Variants in IPCEF1 observed in about 807,000 individuals in gnomAD.
The protein encoded by IPCEF1 is interactor protein for cytohesin exchange factors 1.
A neutral mutation model predicts 50.9 loss-of-function variants in IPCEF1; 31 were observed. The ratio of observed to expected loss-of-function variants is 0.61; its 90% CI spans 0.46 to 0.82. The LOEUF (loss-of-function observed/expected upper bound fraction) is 0.82. Ranked by LOEUF, IPCEF1 falls within the 40% of genes least tolerant of loss-of-function variation. The pLI is 0.00. For synonymous variants in IPCEF1, 181 were observed against 192.0 expected, an observed-to-expected ratio of 0.94 and a Z score of 0.47; for missense variants, 458 against 514.0, an observed-to-expected ratio of 0.89 and a Z score of 1.05.
At chr6:154,257,363 G>A (rs1002021039) in intron 3 of IPCEF1, among the ~76,000 whole-genome samples, 2 of 152,168 alleles carry the variant, frequency 1.3e-5, no homozygotes, top group African/African-American at 4.8e-5. Context: ...TGCAGGCAGA[G>A]GCAAACTACT....
At chr6:154,331,397 AAGAAAGAAAG>A (rs1300315024) in intron 1 of IPCEF1, among the ~76,000 whole-genome samples, 1 of 138,236 alleles carries the variant, frequency 7.2e-6, no homozygotes, top group Non-Finnish European at 1.6e-5. Context: ...GAAAGAAAGA[AAGAAAGAAAG>A]AGAGAGAAAA....
chr6:154,186,470 A>G (rs1240360320), intron 10 of IPCEF1, among the ~76,000 whole-genome samples: 1 of 152,222 alleles, frequency 6.6e-6, no homozygotes, highest in African/African-American at 2.4e-5. Flanking sequence ...ACCTGAACAC[A>G]GGCAGCAGCC....
intron 10 of IPCEF1, among the ~76,000 whole-genome samples, chr6:154,186,702 G>A (rs1429673336): frequency 5.3e-5 from 8 of 151,932 alleles, no homozygotes; most frequent in African/African-American, 1.9e-4. Flanking sequence ...GACTACAGGC[G>A]CCCGCCATCA....
intron 6 of IPCEF1, chr6:154,222,878 TC>T: frequency 5.0e-6 from 2 of 399,654 alleles, no homozygotes; most frequent in Non-Finnish European, 9.3e-6. Context: ...ACATCTGACC[TC>T]CCTGCCAGTC....
chr6:154,162,985 G>A (rs926299464), intron 11 of IPCEF1, among the ~76,000 whole-genome samples: 3 of 152,110 alleles, frequency 2.0e-5, no homozygotes, highest in East Asian at 1.9e-4. Context: ...TGGTAACTCC[G>A]TCTTTCCAGT....
chr6:154,323,107 T>G (rs1783431443), intron 1 of IPCEF1, among the ~76,000 whole-genome samples: 1 of 152,204 alleles, frequency 6.6e-6, no homozygotes, highest in Non-Finnish European at 1.5e-5. Context: ...CCCTTGGTTC[T>G]GAACCATTGC....
intron 3 of IPCEF1, among the ~76,000 whole-genome samples, chr6:154,262,453 A>C (rs970349372): frequency 1.3e-5 from 2 of 152,186 alleles, no homozygotes; most frequent in African/African-American, 4.8e-5. Flanking sequence ...TCCAGTTCCT[A>C]CCCTACCTGG....
At chr6:154,354,617 C>T (rs79018419) in intron 1 of IPCEF1, among the ~76,000 whole-genome samples, 4,504 of 151,460 alleles carry the variant, frequency 0.03, 226 homozygotes, top group African/African-American at 0.1. Flanking sequence ...ACCTCCCCTA[C>T]GACCACCACT....
intron 5 of IPCEF1, among the ~76,000 whole-genome samples, chr6:154,244,180 C>T (rs1780828623): frequency 6.6e-6 from 1 of 152,090 alleles, no homozygotes; most frequent in Non-Finnish European, 1.5e-5. Flanking sequence ...ATGCTTGGGT[C>T]TTATTTCACA....
intron 10 of IPCEF1, among the ~76,000 whole-genome samples, chr6:154,180,414 A>ATATATATATATATTTTTT (rs1241250621): frequency 1.5e-5 from 1 of 65,268 alleles, no homozygotes. Flanking sequence ...ATATATATAT[A>ATATATATATATATTTTTT]TTTTTTTTTT....
intron 1 of IPCEF1, among the ~76,000 whole-genome samples, chr6:154,347,956 T>C (rs1784063589): frequency 6.6e-6 from 1 of 152,116 alleles, no homozygotes; most frequent in African/African-American, 2.4e-5. Flanking sequence ...ACACCCCATG[T>C]CTAGGACCCT....
chr6:154,355,544 A>G (rs1784202493), intron 1 of IPCEF1, among the ~76,000 whole-genome samples: 1 of 149,948 alleles, frequency 6.7e-6, no homozygotes, highest in Admixed American at 6.7e-5. Flanking sequence ...GCTGAAGTGC[A>G]GTGGCGCAAT....
At chr6:154,160,074 G>A (rs775364052) in intron 11 of IPCEF1, 34 bp from the exon 12 acceptor site, 2 of 1,487,350 alleles carry the variant, frequency 1.3e-6, no homozygotes, top group South Asian at 2.3e-5. Context: ...AAGGGGGTAT[G>A]TTGAGAGTGT....
intron 10 of IPCEF1, among the ~76,000 whole-genome samples, chr6:154,190,009 T>C (rs779736197): frequency 3.3e-5 from 5 of 152,046 alleles, no homozygotes; most frequent in Non-Finnish European, 7.3e-5. Flanking sequence ...CAATTATAGG[T>C]AAGAAATTAA....
At position 154,215,452 on chromosome 6, in the gene IPCEF1, C is replaced by T. The variant is rs376035904; in HGVS notation, c.393-1176G>A. On this transcript the variant is annotated intron_variant, in intron 7 of 11. Coordinates refer to ENST00000367220, the MANE Select transcript of IPCEF1 (RefSeq NM_001130700.2). ...AACCCCGTCACTACTTAAAAAAATA[C>T]AAAATTAGCCGGGTGTGGTGGCGGA... Among the ~76,000 whole-genome samples, 55 of 151,952 alleles carry T rather than the reference C, an allele frequency of 3.6e-4. No individual in the cohort carries two copies. The South Asian group carries it at 0.011, about 31-fold the overall frequency.
At chr6:154,256,047 T>A (rs1193682574) in intron 3 of IPCEF1, among the ~76,000 whole-genome samples, 1 of 152,224 alleles carries the variant, frequency 6.6e-6, no homozygotes, top group Admixed American at 6.5e-5. Flanking sequence ...TGTAAATGTG[T>A]TCTGGGATTT....
rs1211137547 is a variant in IPCEF1 at position 154,155,366 on chromosome 6, G to T, written c.*4462C>A. On this transcript the variant is annotated 3_prime_UTR_variant, in exon 12 of 12. Coordinates refer to ENST00000367220, the MANE Select transcript of IPCEF1 (RefSeq NM_001130700.2). ...GAGGTATACAAAAGAAATTGGAAGA[G>T]AAATAAATTGGAAAACCACAATTGG... 1.3e-5 allele frequency: 2 copies of T among 152,220 alleles called. No individual in the cohort carries two copies. The highest frequency in any genetic ancestry group is 6.5e-5 in the Admixed American group (1 of 15,278). The allele number at this position is 152,220 out of a possible 1,614,324, so 9.4% of individuals were successfully genotyped here.
intron 10 of IPCEF1, among the ~76,000 whole-genome samples, chr6:154,191,447 G>A (rs985306849): frequency 5.9e-5 from 9 of 152,132 alleles, no homozygotes; most frequent in Non-Finnish European, 1.2e-4. Flanking sequence ...GCCGAGGCAG[G>A]TGGATCACCT....
chr6:154,340,923 A>ATG (rs35576410), intron 1 of IPCEF1, among the ~76,000 whole-genome samples: 20 of 146,358 alleles, frequency 1.4e-4, no homozygotes, highest in Middle Eastern at 3.5e-3. Context: ...GTGTATATAT[A>ATG]TGTGTGTGTG....
Sources: gnomAD v4.1 joint callset for allele counts (sites outside exome capture counted in the v4.1 genomes callset) on GRCh38, gnomAD v4.1.1 for gene constraint, MANE v1.5 for transcripts, NCBI Gene and HGNC (gene_info 2026-07-23, HGNC 2026-07-21) for gene names.